DENND3: variants seen among roughly 807,000 people sequenced by gnomAD.
DENND3 encodes the protein DENN domain-containing protein 3.
DENND3 carries 88 observed loss-of-function variants against 135.1 expected under a neutral mutation model. That is an observed-to-expected ratio of 0.65 (90% CI 0.55 to 0.78). DENND3 has a LOEUF of 0.78. DENND3 is among the 30% of genes least tolerant of loss of function. The probability of loss-of-function intolerance (pLI) is 0.00; values close to 1 mark genes in which losing one functional copy is unlikely to be tolerated. For missense variants in DENND3, 1,392 were observed against 1,688.4 expected, an observed-to-expected ratio of 0.82 and a Z score of 3.08; for synonymous variants, 693 against 712.3, an observed-to-expected ratio of 0.97 and a Z score of 0.43.
Position 141,182,449 on chromosome 8 carries a change from A to G in DENND3, c.2944+1595A>G. 1.0e-6 allele frequency: 1 copy of G among 985,438 alleles called. No homozygotes were observed. The highest frequency in any genetic ancestry group is 4.7e-5 in the South Asian group (1 of 21,292). 61.0% of individuals were successfully genotyped at this position (985,438 alleles called of 1,614,324 possible). A position where few individuals can be genotyped will look rare whatever the true frequency, so the allele number is the denominator to read the frequency against. On this transcript the variant is annotated intron_variant, in intron 17 of 22. Transcript: ENST00000519811. This position sits in a 1 kb window ranked among gnomAD's most constrained non-coding sequence, Gnocchi z 5.9. ...TGCTGACTTCGCCAGAGATGACTCC[A>G]CAGACCAAGATACTTTGACCGTGGC...
rs1265669049 is a variant in DENND3, at chr8:141,182,976, AG to A, written c.2944+2124del. 1.3e-5 allele frequency among the ~76,000 whole-genome samples: 2 copies of A among 152,188 alleles called. No individual in the cohort carries two copies. Among genetic ancestry groups the A allele is most frequent in the African/African-American group, 4.8e-5 (2 of 41,452 alleles). On this transcript the variant is annotated intron_variant, in intron 17 of 22. Transcript: ENST00000519811. This position sits in a 1 kb window ranked among gnomAD's most constrained non-coding sequence, Gnocchi z 5.9. ...GCCTGCCCTTCTGGACTCAGGACGGAGGCAGCACTGCAGGGCGGGGGGTCGC... is the reference window on the plus strand; with the variant it reads ...GCCTGCCCTTCTGGACTCAGGACGGAGCAGCACTGCAGGGCGGGGGGTCGC...
rs1414994218 is a variant in DENND3 at position 141,145,826 on chromosome 8, TATATATATATATATATA to T, written c.735+1568_735+1584del. Among the ~76,000 whole-genome samples the T allele has an allele frequency of 7.0e-3, 421 of 60,134 alleles. 25 individuals are homozygous for T. Among genetic ancestry groups the T allele is most frequent in the African/African-American group, 0.027 (398 of 15,016 alleles). The allele number at this position is 60,134 out of a possible 152,430, so 39.5% of individuals were successfully genotyped here. A position where few individuals can be genotyped will look rare whatever the true frequency, so the allele number is the denominator to read the frequency against. Reference sequence around the variant, plus strand: ...TATTATATATATATATATATATATATATATATATATATATATATATATATGTATTTTTTTTTTTTTGA... The same window carrying T: ...TATTATATATATATATATATATATATTATATATGTATTTTTTTTTTTTTGA... On this transcript the variant is annotated intron_variant, in intron 5 of 22. Coordinates refer to ENST00000519811, the MANE Select transcript of DENND3 (RefSeq NM_001352890.3).
At chr8:141,171,154 C>T (rs1044965340) in intron 13 of DENND3, among the ~76,000 whole-genome samples, 3 of 152,066 alleles carry the variant, frequency 2.0e-5, no homozygotes, top group Non-Finnish European at 4.4e-5. Flanking sequence ...CCTGAAGTTA[C>T]CAATGTAAAG....
intron 18 of DENND3, 144 bp from the exon 19 acceptor site, chr8:141,188,842 G>A (rs1824287737): frequency 9.0e-7 from 1 of 1,106,046 alleles, no homozygotes; most frequent in Non-Finnish European, 1.3e-6. Context: ...CAGGGCCAGA[G>A]GCTCCCAGGA....
chr8:141,168,375 C>A lies in DENND3; in HGVS notation c.2125C>A (p.His709Asn), dbSNP rs1285864474. The A allele has an allele frequency of 1.2e-6, 2 of 1,613,902 alleles. No homozygotes were observed. The highest frequency in any genetic ancestry group is 3.3e-5 in the Admixed American group (2 of 60,018). The stretch of plus-strand genomic sequence containing the variant: ...CATCAGCGAGATCCTGGACAAGCCG[C>A]ACGAGGCCTCGAAGCTGGACGACCA... ...RLISEILDKP[H>N]EASKLDDHVK... The change falls in exon 13 of 23, where the codon CAC becomes AAC. Residue 709 changes from histidine to asparagine, a missense_variant. Coordinates refer to ENST00000519811, the MANE Select transcript of DENND3 (RefSeq NM_001352890.3). This position sits in a 1 kb window ranked among gnomAD's most constrained non-coding sequence, Gnocchi z 6.2.
In DENND3 at chr8:141,182,315, T is replaced by A; in HGVS notation, c.2944+1461T>A. On this transcript the variant is annotated intron_variant, in intron 17 of 22. Transcript: ENST00000519811. The surrounding 1 kb of genome is among the most constrained non-coding windows in gnomAD (Gnocchi z 5.9). ...CCATAAGAGAGTTTTTCTCTCTTCA[T>A]GGCAGGCCAAGAAACCCAGGAACGC... The A allele has an allele frequency of 1.0e-6, 1 of 985,364 alleles. No homozygotes were observed. The allele number at this position is 985,364 out of a possible 1,614,324, so 61.0% of individuals were successfully genotyped here.
chr8:141,176,975 T>G, intron 15 of DENND3: 1 of 573,080 alleles, frequency 1.7e-6, no homozygotes, highest in Non-Finnish European at 3.0e-6. Context: ...CGGAAGAGCA[T>G]GATGAGAAAA....
intron 19 of DENND3, 28 bp from the exon 20 acceptor site, chr8:141,190,256 G>GGTGT: frequency 1.9e-6 from 3 of 1,541,600 alleles, no homozygotes; most frequent in Non-Finnish European, 1.8e-6. Flanking sequence ...CCAAGTTAAA[G>GGTGT]GTGTGTGTGT....
chr8:141,137,211 C>T lies in DENND3; in HGVS notation c.385+420C>T, dbSNP rs978684977. Among the ~76,000 whole-genome samples the T allele has an allele frequency of 4.6e-5, 7 of 152,100 alleles. No individual in the cohort carries two copies. The highest frequency in any genetic ancestry group is 2.0e-4 in the Admixed American group (3 of 15,266). ...GCCAGGCTGGTCTTGAACTCTTGGC[C>T]TCAAGTGATCCACCTGCCTTAGCCT... On this transcript the variant is annotated intron_variant, in intron 2 of 22. Coordinates refer to ENST00000519811, the MANE Select transcript of DENND3 (RefSeq NM_001352890.3). This position sits in a 1 kb window ranked among gnomAD's most constrained non-coding sequence, Gnocchi z 4.1.
intron 11 of DENND3, 45 bp downstream of exon 11, chr8:141,165,334 C>T (rs781383401): frequency 1.1e-5 from 16 of 1,508,606 alleles, no homozygotes; most frequent in Non-Finnish European, 1.5e-5. Flanking sequence ...TTAGGAATCA[C>T]AGTGTTCAAG....
At chr8:141,178,479 G>A (rs529103690) in intron 16 of DENND3, among the ~76,000 whole-genome samples, 1 of 152,336 alleles carries the variant, frequency 6.6e-6, no homozygotes, top group Admixed American at 6.5e-5. Context: ...GTGGTGATTC[G>A]TAATTACAAA....
In DENND3 at chr8:141,166,572, G is replaced by T. The variant is rs80212338; in HGVS notation, c.1753+183G>T. 2.6e-5 allele frequency among the ~76,000 whole-genome samples: 4 copies of T among 152,334 alleles called. No individual in the cohort carries two copies. Among genetic ancestry groups the T allele is most frequent in the African/African-American group, 9.6e-5 (4 of 41,568 alleles). ...TATGCCTTCTAGAAAATTATTTCTC[G>T]TCTGTATTTTCTGCCACCCAGTGTC... On this transcript the variant is annotated intron_variant, in intron 12 of 22. Coordinates refer to ENST00000519811, the MANE Select transcript of DENND3 (RefSeq NM_001352890.3). The surrounding 1 kb of genome is among the most constrained non-coding windows in gnomAD (Gnocchi z 4.3).
At chr8:141,192,224 T>C in intron 20 of DENND3, 107 bp from the exon 21 acceptor site, 3 of 1,484,950 alleles carry the variant, frequency 2.0e-6, no homozygotes, top group South Asian at 2.6e-5. Context: ...CACGTGGTGA[T>C]CCCCCCCATC....
rs1243628611 is a variant in DENND3, at chr8:141,136,517, T to C, written c.111T>C (p.Tyr37=). Residue 37 remains tyrosine, a synonymous_variant, in exon 2 of 23, where the codon TAT becomes TAC. Transcript: ENST00000519811. ...DSLRSLEQVA[Y]KKGVKHLSAL... ...ATTTTTCCCTTTTTTAGGTTGCTTA[T>C]AAAAAGGGAGTCAAACATCTTTCTG... The C allele has an allele frequency of 1.3e-6, 2 of 1,544,354 alleles. No individual in the cohort carries two copies. The highest frequency in any genetic ancestry group is 4.9e-5 in the East Asian group (2 of 40,862).
At chr8:141,172,060 G>T (rs540859274) in intron 13 of DENND3, among the ~76,000 whole-genome samples, 1 of 147,706 alleles carries the variant, frequency 6.8e-6, no homozygotes, top group Admixed American at 6.7e-5. Context: ...GAGCATAGTG[G>T]TGGGCACGCT....
chr8:141,170,229 C>T (rs1821350662), intron 13 of DENND3, among the ~76,000 whole-genome samples: 1 of 152,176 alleles, frequency 6.6e-6, no homozygotes. Flanking sequence ...TCTTCAGGCC[C>T]TTGGGAAAAG....
In DENND3 at chr8:141,168,084, G is replaced by GCAT; in HGVS notation, c.1835_1837dup (p.Ala612_Tyr613insSer). The GCAT allele has an allele frequency of 6.2e-7, 1 of 1,614,136 alleles. No homozygotes were observed. Among genetic ancestry groups the GCAT allele is most frequent in the Non-Finnish European group, 8.5e-7 (1 of 1,180,040 alleles). On this transcript the variant is annotated inframe_insertion, in exon 13 of 23. Transcript: ENST00000519811. This position sits in a 1 kb window ranked among gnomAD's most constrained non-coding sequence, Gnocchi z 6.2. ...TCCGCTGGAGAGCAAGTGCGTGCAG[G>GCAT]CATACCATGCCCACTTTGTCTCCAT...
At chr8:141,181,597 G>A (rs1823109816) in intron 17 of DENND3, among the ~76,000 whole-genome samples, 1 of 152,150 alleles carries the variant, frequency 6.6e-6, no homozygotes, top group African/African-American at 2.4e-5. Context: ...AAATGGGCGC[G>A]GCCAAGAGTC....
chr8:141,190,482 A>G, intron 20 of DENND3, 65 bp downstream of exon 20: 1 of 1,498,152 alleles, frequency 6.7e-7, no homozygotes, highest in Non-Finnish European at 8.9e-7. Context: ...AGGATGCTGA[A>G]CGAGAGCAGA....
Sources: gnomAD v4.1 joint callset for allele counts (sites outside exome capture counted in the v4.1 genomes callset) on GRCh38, gnomAD v4.1.1 for gene constraint, Gnocchi (gnomAD v3.1) non-coding constraint, MANE v1.5 for transcripts, NCBI Gene and HGNC (gene_info 2026-07-23, HGNC 2026-07-21) for gene names.